Variants in MTUS2 observed in about 807,000 individuals in gnomAD.
MTUS2 encodes microtubule-associated tumor suppressor candidate 2.
In MTUS2, 40 loss-of-function variants were observed where a neutral mutation model predicts 114.1. The observed-to-expected ratio is 0.35, with a 90% CI of 0.27 to 0.46. MTUS2 has a LOEUF of 0.46. MTUS2 is among the 20% of genes least tolerant of loss of function. MTUS2 has a pLI of 1.00. For missense variants in MTUS2, 1,679 were observed against 1,705.4 expected, an observed-to-expected ratio of 0.98 and a Z score of 0.27; for synonymous variants, 688 against 672.0, an observed-to-expected ratio of 1.02 and a Z score of -0.37.
At chr13:29,499,918 C>T (rs1342348209) in intron 14 of MTUS2, among the ~76,000 whole-genome samples, 2 of 152,254 alleles carry the variant, frequency 1.3e-5, no homozygotes, top group African/African-American at 4.8e-5. Context: ...GACCACTCTG[C>T]ACCCTCCAGC....
At chr13:28,834,593 AAG>A (rs1215939480) in intron 1 of MTUS2, among the ~76,000 whole-genome samples, 1 of 152,172 alleles carries the variant, frequency 6.6e-6, no homozygotes, top group Non-Finnish European at 1.5e-5. Context: ...GAAAAAAAGT[AAG>A]AGTAAATCTT....
In MTUS2 at chr13:29,389,162, T is replaced by C. The variant is rs1377878027; in HGVS notation, c.3117+29689T>C. ...CCTGACAGAGAGGAGAAACCAAAGA[T>C]TGTTTTGACTATATATATATCTATA... On this transcript the variant is annotated intron_variant, in intron 8 of 15. Transcript: ENST00000612955. Among the ~76,000 whole-genome samples the C allele has an allele frequency of 2.7e-5, 4 of 150,894 alleles. No individual in the cohort carries two copies. The East Asian group carries it at 7.7e-4, about 29-fold the overall frequency.
At chr13:29,316,496 C>G (rs933168871) in intron 6 of MTUS2, among the ~76,000 whole-genome samples, 2 of 152,164 alleles carry the variant, frequency 1.3e-5, no homozygotes, top group Non-Finnish European at 2.9e-5. Context: ...TGCCCTCTCC[C>G]CAACACCCCG....
chr13:29,355,946 C>T (rs373716009), intron 7 of MTUS2, among the ~76,000 whole-genome samples: 6 of 152,088 alleles, frequency 3.9e-5, no homozygotes, highest in African/African-American at 1.2e-4. Context: ...TATCCATTTC[C>T]TAGTTCAGCT....
chr13:29,375,555 ATACGT>A (rs1566163257), intron 8 of MTUS2, among the ~76,000 whole-genome samples: 299 of 5,920 alleles, frequency 0.051, 17 homozygotes, highest in East Asian at 0.11. Flanking sequence ...ATATATATAT[ATACGT>A]ATATATATAT....
intron 4 of MTUS2, among the ~76,000 whole-genome samples, chr13:29,077,803 G>T (rs572319079): frequency 6.6e-6 from 1 of 152,178 alleles, no homozygotes; most frequent in Non-Finnish European, 1.5e-5. Context: ...TGTCAAGAAC[G>T]TTTGACAATG....
chr13:29,421,660 T>C (rs941333966), intron 8 of MTUS2, among the ~76,000 whole-genome samples: 2 of 152,220 alleles, frequency 1.3e-5, no homozygotes, highest in East Asian at 1.9e-4. Context: ...GAGGCTGTGA[T>C]ACTTTGTAGA....
At chr13:29,202,702 C>T (rs1484931232) in intron 5 of MTUS2, among the ~76,000 whole-genome samples, 1 of 152,164 alleles carries the variant, frequency 6.6e-6, no homozygotes, top group Non-Finnish European at 1.5e-5. Context: ...TGTGGACTTC[C>T]TTTTTGTTAA....
Position 29,359,215 on chromosome 13 carries a change from T to C in MTUS2, c.2906-47T>C, listed in dbSNP as rs1338820771. The C allele has an allele frequency of 3.3e-6, 5 of 1,518,580 alleles. No homozygotes were observed. The African/African-American group carries it at 6.9e-5, about 21-fold the overall frequency. The allele number at this position is 1,518,580 out of a possible 1,614,324, so 94.1% of individuals were successfully genotyped here. A position where few individuals can be genotyped will look rare whatever the true frequency, so the allele number is the denominator to read the frequency against. ...TAAGAAGCCGTTGTCACATGTGTACTGAGTGTTTTTTCACAGGTGACCGGG... is the reference window on the plus strand; with the variant it reads ...TAAGAAGCCGTTGTCACATGTGTACCGAGTGTTTTTTCACAGGTGACCGGG... On this transcript the variant is annotated intron_variant, in intron 7 of 15. Transcript: ENST00000612955.
chr13:29,299,516 C>T (rs1251583853), intron 6 of MTUS2, among the ~76,000 whole-genome samples: 1 of 152,098 alleles, frequency 6.6e-6, no homozygotes, highest in Non-Finnish European at 1.5e-5. Flanking sequence ...ACTTACACAC[C>T]TAATTATTGA....
At position 29,026,447 on chromosome 13, in the gene MTUS2, G is replaced by A. The variant is rs757126872; in HGVS notation, c.1749G>A (p.Thr583=). The A allele has an allele frequency of 6.2e-6, 10 of 1,613,726 alleles. No individual in the cohort carries two copies. The highest frequency in any genetic ancestry group is 5.5e-5 in the South Asian group (5 of 91,062). ...CTGATAGTGCACGCTTGTTGAACAC[G>A]TCCCCCAAAGTGCCTGACAAGAACA... The part of the protein sequence containing the change: ...PPTDSARLLN[T]SPKVPDKNTC... Residue 583 remains threonine, a synonymous_variant, in exon 3 of 16, where the codon ACG becomes ACA. Coordinates refer to ENST00000612955, the MANE Select transcript of MTUS2 (RefSeq NM_001033602.4).
chr13:29,325,405 G>T, intron 7 of MTUS2, among the ~76,000 whole-genome samples: 1 of 147,530 alleles, frequency 6.8e-6, no homozygotes, highest in South Asian at 2.2e-4. Context: ...GCAGTGAGCC[G>T]AGATCACGCC....
rs552044731 is a variant in MTUS2 at position 28,892,341 on chromosome 13, C to T, written c.-243+52491C>T. Among the ~76,000 whole-genome samples the T allele has an allele frequency of 3.5e-4, 54 of 152,154 alleles. No homozygotes were observed. In the East Asian group the frequency reaches 8.5e-3, roughly 24 times the overall value. The stretch of plus-strand genomic sequence containing the variant: ...GCTGGTGCTGGAGCCATCCTGAGGT[C>T]TTGGTAAGCATTTGCCAGGCTGAGA... On this transcript the variant is annotated intron_variant, in intron 2 of 15. Transcript: ENST00000612955.
chr13:28,866,334 T>C (rs8002123), intron 2 of MTUS2, among the ~76,000 whole-genome samples: 29 of 152,190 alleles, frequency 1.9e-4, no homozygotes, highest in African/African-American at 6.3e-4. Flanking sequence ...AATTCAGGTA[T>C]CAGAGCATCC....
At chr13:28,895,204 T>A (rs1879193342) in intron 2 of MTUS2, among the ~76,000 whole-genome samples, 1 of 152,150 alleles carries the variant, frequency 6.6e-6, no homozygotes, top group African/African-American at 2.4e-5. Flanking sequence ...CGAAATACAG[T>A]GGGACTCCCT....
chr13:29,266,701 A>T (rs914393802), intron 5 of MTUS2, among the ~76,000 whole-genome samples: 1 of 152,166 alleles, frequency 6.6e-6, no homozygotes, highest in African/African-American at 2.4e-5. Context: ...CAGTTGCAAA[A>T]AGTGTGAAGC....
chr13:29,215,824 G>T lies in MTUS2; in HGVS notation c.2645-65880G>T, dbSNP rs893966208. On this transcript the variant is annotated intron_variant, in intron 5 of 15. Transcript: ENST00000612955. ...TGTGGTGTCTGTTGACCCCTGCTGG[G>T]AAGTGTCTCCCAGTCAGGAGGCACG... Among the ~76,000 whole-genome samples, 7 of 152,300 alleles carry T rather than the reference G, an allele frequency of 4.6e-5. No homozygotes were observed. The East Asian group carries it at 1.4e-3, about 30-fold the overall frequency.
chr13:29,313,888 T>C (rs1371603676), intron 6 of MTUS2, among the ~76,000 whole-genome samples: 3 of 151,944 alleles, frequency 2.0e-5, no homozygotes, highest in Admixed American at 2.0e-4. Flanking sequence ...ACCCTGGAAG[T>C]TAAAAGAGAA....
intron 6 of MTUS2, chr13:29,307,578 G>T (rs758098236): frequency 9.5e-5 from 117 of 1,235,142 alleles, no homozygotes; most frequent in Middle Eastern, 5.4e-4. Flanking sequence ...AGGTGTCAGA[G>T]GGCCCCCTCA....
Sources: gnomAD v4.1 joint callset for allele counts (sites outside exome capture counted in the v4.1 genomes callset) on GRCh38, gnomAD v4.1.1 for gene constraint, MANE v1.5 for transcripts, NCBI Gene and HGNC (gene_info 2026-07-23, HGNC 2026-07-21) for gene names.